NALCN: variants seen among roughly 807,000 people sequenced by gnomAD.
The protein encoded by NALCN is sodium leak channel NALCN.
NALCN carries 111 observed loss-of-function variants against 225.3 expected under a neutral mutation model. The ratio of observed to expected loss-of-function variants is 0.49; its 90% CI spans 0.42 to 0.58. The LOEUF (loss-of-function observed/expected upper bound fraction) is 0.58. Among genes scored for constraint, NALCN ranks in the 20% least tolerant of loss-of-function variants. The pLI is 0.00. For missense variants in NALCN, 1,378 were observed against 2,202.4 expected, an observed-to-expected ratio of 0.63 and a Z score of 7.49; for synonymous variants, 764 against 769.0, an observed-to-expected ratio of 0.99 and a Z score of 0.11.
At position 101,104,202 on chromosome 13, in the gene NALCN, C is replaced by G; in HGVS notation, c.2889+93G>C. 2 of 1,464,890 alleles carry G rather than the reference C, an allele frequency of 1.4e-6. No individual in the cohort carries two copies. Among genetic ancestry groups the G allele is most frequent in the Admixed American group, 2.3e-5 (1 of 42,850 alleles). The allele number at this position is 1,464,890 out of a possible 1,614,324, so 90.7% of individuals were successfully genotyped here. ...GAATTCGGTTAGGGAATCTAAGCCTCTGTAACTCATACCTCTTGCGCTTAT... is the reference window on the plus strand; with the variant it reads ...GAATTCGGTTAGGGAATCTAAGCCTGTGTAACTCATACCTCTTGCGCTTAT... On this transcript the variant is annotated intron_variant, in intron 25 of 43. Coordinates refer to ENST00000251127, the MANE Select transcript of NALCN (RefSeq NM_052867.4). The surrounding 1 kb of genome is among the most constrained non-coding windows in gnomAD (Gnocchi z 4.2).
intron 7 of NALCN, among the ~76,000 whole-genome samples, chr13:101,303,667 C>G (rs1198374503): frequency 6.6e-6 from 1 of 152,116 alleles, no homozygotes; most frequent in African/African-American, 2.4e-5. Flanking sequence ...CAAACTTAAT[C>G]AAAGCCAGAG....
chr13:101,093,547 C>T (rs766525553), intron 28 of NALCN, among the ~76,000 whole-genome samples: 30 of 152,198 alleles, frequency 2.0e-4, no homozygotes, highest in Non-Finnish European at 3.7e-4. Flanking sequence ...TGGCTATTTG[C>T]TTATGCTTCT....
At chr13:101,210,235 C>T (rs1452760421) in intron 13 of NALCN, among the ~76,000 whole-genome samples, 1 of 152,152 alleles carries the variant, frequency 6.6e-6, no homozygotes. Flanking sequence ...CACACACGTA[C>T]ACACATTATG....
chr13:101,143,238 T>C lies in NALCN; in HGVS notation c.1977-17A>G, dbSNP rs771883340. 1.3e-6 allele frequency: 2 copies of C among 1,596,698 alleles called. No individual in the cohort carries two copies. The highest frequency in any genetic ancestry group is 1.7e-6 in the Non-Finnish European group (2 of 1,170,932). On this transcript the variant is annotated splice_polypyrimidine_tract_variant and intron_variant, in intron 16 of 43. Transcript: ENST00000251127. ...AAACTCTCCCTTTGCAAATGAAGTA[T>C]ATGTGCATCAGGCATTATTAGTGGA...
Position 101,292,636 on chromosome 13 carries a change from G to C in NALCN, c.800-270C>G, listed in dbSNP as rs1008922975. On this transcript the variant is annotated intron_variant, in intron 7 of 43. Coordinates refer to ENST00000251127, the MANE Select transcript of NALCN (RefSeq NM_052867.4). The surrounding 1 kb of genome is among the most constrained non-coding windows in gnomAD (Gnocchi z 4.3). ...GCTGTTAAATGCAAATAATAATGTG[G>C]AAAAGGAAATAAACAGTCAAACCAA... is the stretch of plus-strand genomic sequence containing the variant. 2.6e-5 allele frequency among the ~76,000 whole-genome samples: 4 copies of C among 151,952 alleles called. No homozygotes were observed. The highest frequency in any genetic ancestry group is 5.9e-5 in the Non-Finnish European group (4 of 67,978).
intron 7 of NALCN, among the ~76,000 whole-genome samples, chr13:101,339,468 A>T (rs892035637): frequency 9.8e-5 from 15 of 152,306 alleles, no homozygotes; most frequent in African/African-American, 3.6e-4. Context: ...AGAAATAAAG[A>T]TGGAAAGGTG....
chr13:101,226,557 A>G (rs1241778556), intron 13 of NALCN, among the ~76,000 whole-genome samples: 1 of 152,190 alleles, frequency 6.6e-6, no homozygotes, highest in Non-Finnish European at 1.5e-5. Flanking sequence ...GGGCAGACCC[A>G]GAGAAGGTGG....
chr13:101,341,325 A>G (rs2045553243), intron 7 of NALCN, among the ~76,000 whole-genome samples: 3 of 152,196 alleles, frequency 2.0e-5, no homozygotes, highest in African/African-American at 7.2e-5. Flanking sequence ...TCTTTCCCTA[A>G]AGAATTTGTA....
chr13:101,405,099 C>T (rs1217184363), intron 1 of NALCN, among the ~76,000 whole-genome samples: 1 of 152,124 alleles, frequency 6.6e-6, no homozygotes, highest in African/African-American at 2.4e-5. Context: ...AACAACAAAC[C>T]ACTAAAATCT....
At chr13:101,386,773 G>T (rs2046998585) in intron 3 of NALCN, among the ~76,000 whole-genome samples, 1 of 152,012 alleles carries the variant, frequency 6.6e-6, no homozygotes, top group Non-Finnish European at 1.5e-5. Context: ...TAACGATTAG[G>T]TATGACTCTT....
At chr13:101,109,117 C>T (rs545758266) in intron 20 of NALCN, among the ~76,000 whole-genome samples, 14 of 152,272 alleles carry the variant, frequency 9.2e-5, no homozygotes, top group African/African-American at 2.2e-4. Flanking sequence ...TTGTACATTT[C>T]GGTTGAAACA....
intron 33 of NALCN, among the ~76,000 whole-genome samples, chr13:101,082,555 A>T (rs1223527797): frequency 6.6e-6 from 1 of 152,188 alleles, no homozygotes; most frequent in African/African-American, 2.4e-5. Context: ...TAAATATCAG[A>T]ACTCGCATAA....
At chr13:101,301,549 T>C (rs971802955) in intron 7 of NALCN, among the ~76,000 whole-genome samples, 16 of 151,860 alleles carry the variant, frequency 1.1e-4, no homozygotes, top group African/African-American at 3.9e-4. Flanking sequence ...GGTGAAACCT[T>C]GTCTCTACTA....
rs1330848599 is a variant in NALCN at position 101,107,800 on chromosome 13, A to G, written c.2365-11T>C. 1 of 1,607,210 alleles carries G rather than the reference A, an allele frequency of 6.2e-7. No homozygotes were observed. The highest frequency in any genetic ancestry group is 1.1e-5 in the South Asian group (1 of 89,300). ...CACTGTATTGGAATGCTAGAAATAAATTAACAGGGGGTGTGTTAAAACAGG... is the reference window on the plus strand; with the variant it reads ...CACTGTATTGGAATGCTAGAAATAAGTTAACAGGGGGTGTGTTAAAACAGG... On this transcript the variant is annotated splice_polypyrimidine_tract_variant and intron_variant, in intron 20 of 43. Transcript: ENST00000251127.
chr13:101,218,407 A>G (rs2040819016), intron 13 of NALCN, among the ~76,000 whole-genome samples: 1 of 152,088 alleles, frequency 6.6e-6, no homozygotes, highest in Non-Finnish European at 1.5e-5. Flanking sequence ...AGCTCTAGGG[A>G]AAAAAATCTT....
chr13:101,259,729 A>AGT (rs1337345776), intron 10 of NALCN, among the ~76,000 whole-genome samples: 19 of 41,962 alleles, frequency 4.5e-4, no homozygotes, highest in African/African-American at 5.8e-4. Flanking sequence ...GTACATAGTA[A>AGT]GTGTATATAT....
chr13:101,158,749 T>C (rs1293088572), intron 15 of NALCN, among the ~76,000 whole-genome samples: 1 of 152,222 alleles, frequency 6.6e-6, no homozygotes, highest in African/African-American at 2.4e-5. Context: ...TCTTTCTGTT[T>C]GACTGGTACT....
chr13:101,154,552 C>G (rs2037810498), intron 15 of NALCN, among the ~76,000 whole-genome samples: 1 of 152,268 alleles, frequency 6.6e-6, no homozygotes, highest in South Asian at 2.1e-4. Context: ...GGGGTTTGCA[C>G]TATAACTTTC....
At chr13:101,203,363 C>T (rs1346084423) in intron 13 of NALCN, among the ~76,000 whole-genome samples, 17 of 152,238 alleles carry the variant, frequency 1.1e-4, no homozygotes, top group Non-Finnish European at 2.2e-4. Context: ...TTACAGGTGC[C>T]TACCACCACA....
Sources: allele counts gnomAD v4.1 joint callset (sites outside exome capture counted in the v4.1 genomes callset), GRCh38; gene constraint gnomAD v4.1.1; non-coding constraint Gnocchi (gnomAD v3.1); transcripts MANE v1.5; gene names NCBI Gene and HGNC (gene_info 2026-07-23, HGNC 2026-07-21).